Variants in ADAR observed in about 807,000 individuals in gnomAD.
The protein encoded by ADAR is adenosine deaminase RNA specific.
In ADAR, 41 loss-of-function variants were observed where a neutral mutation model predicts 113.2. The observed-to-expected ratio is 0.36, with a 90% CI of 0.28 to 0.47. The LOEUF is 0.47. Among genes scored for constraint, ADAR ranks in the 20% least tolerant of loss-of-function variants. The probability of loss-of-function intolerance (pLI) is 1.00; values close to 1 mark genes in which losing one functional copy is unlikely to be tolerated. For missense variants in ADAR, 1,242 were observed against 1,540.9 expected (o/e 0.81, Z 3.25); for synonymous variants, 605 against 572.6 (o/e 1.06, Z -0.81).
Position 154,588,192 on chromosome 1 carries a change from T to C in ADAR, c.2952A>G (p.Thr984=), listed in dbSNP as rs765649485. The change falls in exon 11 of 15, where the codon ACA becomes ACG. Residue 984 remains threonine (T), a synonymous_variant. Coordinates refer to ENST00000368474, the MANE Select transcript of ADAR (RefSeq NM_001111.5). ...CGAAGACAGGGTAGTGGCGGGATTC[T>C]GTGCTTTCCATAGCACGGTCGCTGC... ...KSCSDRAMES[T]ESRHYPVFEN... is the part of the protein sequence containing the mutation. The C allele has an allele frequency of 5.1e-5, 83 of 1,614,054 alleles. No individual in the cohort carries two copies. The highest frequency in any genetic ancestry group is 3.3e-4 in the Middle Eastern group (2 of 5,998).
rs141464161 is a variant in ADAR at position 154,623,848 on chromosome 1, C to A, written c.-871+4007G>T. ...TGAAACCCCATTTCTACTAAAAATA[C>A]AAAAATTAGCCGGGGGTAGTGACGG... is the stretch of plus-strand genomic sequence containing the variant. On this transcript the variant is annotated intron_variant, in intron 1 of 14. Coordinates refer to the ADAR transcript ENST00000368471. Among the ~76,000 whole-genome samples the A allele has an allele frequency of 7.0e-3, 1,065 of 151,968 alleles. 11 individuals carry two copies. The highest frequency in any genetic ancestry group is 0.024 in the African/African-American group (1,007 of 41,446).
chr1:154,594,637 T>C (rs1366767876), intron 6 of ADAR, among the ~76,000 whole-genome samples: 3 of 152,188 alleles, frequency 2.0e-5, no homozygotes, highest in Non-Finnish European at 4.4e-5. Flanking sequence ...CAAGAAAGTA[T>C]AATGTGTGAC....
intron 1 of ADAR, among the ~76,000 whole-genome samples, chr1:154,621,515 A>G (rs2101699468): frequency 6.6e-6 from 1 of 152,340 alleles, no homozygotes; most frequent in East Asian, 1.9e-4. Flanking sequence ...GAATATTTGT[A>G]TATTTTAAAA....
At chr1:154,590,460 T>C in intron 6 of ADAR, 51 bp from the exon 7 acceptor site, 1 of 1,565,978 alleles carries the variant, frequency 6.4e-7, no homozygotes, top group Non-Finnish European at 8.8e-7. Flanking sequence ...CCTGACATTG[T>C]TCCAAGGAAG....
In ADAR at chr1:154,606,580, G is replaced by A. The variant is rs150948968; in HGVS notation, c.15+1412C>T. Among the ~76,000 whole-genome samples, 45 of 152,224 alleles carry A rather than the reference G, an allele frequency of 3.0e-4. No homozygotes were observed. The East Asian group carries it at 8.5e-3, about 29-fold the overall frequency. On this transcript the variant is annotated intron_variant, in intron 1 of 14. Transcript: ENST00000368474. ...TAGGGCAGTAGGGTTAGAGGGAGAG[G>A]AGGAGATTATTAATCTTTCTTTTTG...
At chr1:154,590,452 T>C (rs1380023631) in intron 6 of ADAR, 43 bp from the exon 7 acceptor site, 5 of 1,585,408 alleles carry the variant, frequency 3.2e-6, no homozygotes, top group Non-Finnish European at 4.3e-6. Context: ...TGCCAGACCC[T>C]GACATTGTTC....
In ADAR at chr1:154,602,614, T is replaced by A. The variant is rs1307309784; in HGVS notation, c.28A>T (p.Ser10Cys). Reference protein sequence around the residue: MNPRQGYSLSGYYTHPFQGY... With the variant: MNPRQGYSLCGYYTHPFQGY... ...TGAAATGGATGGGTGTAGTATCCGC[T>A]GAGGGAATACCCCTGCAGAATAAGA... Residue 10 changes from serine (S) to cysteine (C), a missense_variant, in exon 2 of 15, where the codon AGC becomes TGC. By Grantham distance (112) the Ser-to-Cys change is moderately radical. This residue lies in a region of ADAR where 462 missense variants were observed against 483.1 expected (regional missense o/e 0.96). Coordinates refer to ENST00000368474, the MANE Select transcript of ADAR (RefSeq NM_001111.5). 1 of 1,613,952 alleles carries A rather than the reference T, an allele frequency of 6.2e-7. No individual in the cohort carries two copies. The highest frequency in any genetic ancestry group is 1.3e-5 in the African/African-American group (1 of 74,944).
intron 6 of ADAR, among the ~76,000 whole-genome samples, chr1:154,596,449 C>T (rs536437553): frequency 6.6e-5 from 10 of 152,184 alleles, no homozygotes; most frequent in African/African-American, 2.4e-4. Context: ...TCATATGGTC[C>T]GGCTGGTCTT....
rs1272081623 is a variant in ADAR at position 154,590,412 on chromosome 1, T to G, written c.2271-3A>C. 1 of 1,613,666 alleles carries G rather than the reference T, an allele frequency of 6.2e-7. No homozygotes were observed. Among genetic ancestry groups the G allele is most frequent in the African/African-American group, 1.3e-5 (1 of 74,858 alleles). On this transcript the variant is annotated splice_polypyrimidine_tract_variant and splice_region_variant and intron_variant, in intron 6 of 14. Transcript: ENST00000368474. The stretch of plus-strand genomic sequence containing the variant: ...CAACTTTTGCTTGGTAAACGAACCT[T>G]TGGGATGAGAAACAGAGAATGAAGA...
chr1:154,614,818 G>C (rs999783976), intron 1 of ADAR, among the ~76,000 whole-genome samples: 2 of 152,232 alleles, frequency 1.3e-5, no homozygotes, highest in Admixed American at 6.5e-5. Context: ...CAAAGGGGTA[G>C]GATGGAGGGG....
intron 1 of ADAR, among the ~76,000 whole-genome samples, chr1:154,625,285 G>A (rs753968262): frequency 6.6e-6 from 1 of 152,252 alleles, no homozygotes; most frequent in Middle Eastern, 3.4e-3. Flanking sequence ...TACATTGCTG[G>A]GATACTAGTC....
In ADAR at chr1:154,585,403, AG is replaced by A. The variant is rs1245932137; in HGVS notation, c.3316-60del. Reference sequence around the variant, plus strand: ...AAACCTTTCAGGAATAAGATTCTGAAGCAGGGACTCAAGACTCATAGGAGAG... The same window carrying A: ...AAACCTTTCAGGAATAAGATTCTGAACAGGGACTCAAGACTCATAGGAGAG... On this transcript the variant is annotated intron_variant, in intron 13 of 14. Transcript: ENST00000368474. The A allele has an allele frequency of 6.2e-6, 10 of 1,612,036 alleles. No individual in the cohort carries two copies. In the African/African-American group the frequency reaches 1.2e-4, roughly 19 times the overall value.
chr1:154,588,009 C>T (rs1696877083), intron 11 of ADAR, 116 bp downstream of exon 11: 3 of 1,502,576 alleles, frequency 2.0e-6, no homozygotes, highest in Admixed American at 1.7e-5. Flanking sequence ...TTCCTGTAAA[C>T]AGCACCTCTG....
intron 11 of ADAR, 114 bp downstream of exon 11, chr1:154,588,010 AG>A (rs1557867400): frequency 6.6e-7 from 1 of 1,505,248 alleles, no homozygotes; most frequent in Non-Finnish European, 9.1e-7. Context: ...TCCTGTAAAC[AG>A]CACCTCTGTG....
intron 4 of ADAR, 130 bp downstream of exon 4, chr1:154,597,698 A>G: frequency 8.0e-7 from 1 of 1,254,870 alleles, no homozygotes; most frequent in Admixed American, 1.9e-5. Flanking sequence ...AGGACCTCAG[A>G]GCCCTCCTTT....
chr1:154,598,015 A>G, intron 3 of ADAR, 39 bp from the exon 4 acceptor site: 1 of 1,601,578 alleles, frequency 6.2e-7, no homozygotes, highest in Non-Finnish European at 8.5e-7. Context: ...CAAAACTAAG[A>G]AAACACTGGT....
chr1:154,619,231 G>A (rs766568493), intron 1 of ADAR, among the ~76,000 whole-genome samples: 1 of 152,196 alleles, frequency 6.6e-6, no homozygotes, highest in African/African-American at 2.4e-5. Context: ...CCCAGAGGAA[G>A]GATGTTAATT....
At position 154,583,947 on chromosome 1, in the gene ADAR, TAGG is replaced by T. The variant is rs1041896947; in HGVS notation, c.*856_*858del. ...GGGGAAAATATTCCTAGGAATGCTT[TAGG>T]AGAAGAGGCAGCTGGAAGCTTGGCA... On this transcript the variant is annotated 3_prime_UTR_variant, in exon 15 of 15. Transcript: ENST00000368474. The T allele has an allele frequency of 3.3e-5, 5 of 152,360 alleles. No individual in the cohort carries two copies. The highest frequency in any genetic ancestry group is 1.9e-4 in the East Asian group (1 of 5,196). The allele number at this position is 152,360 out of a possible 1,614,324, so 9.4% of individuals were successfully genotyped here.
intron 2 of ADAR, chr1:154,600,829 G>C (rs1697820903): frequency 1.5e-6 from 1 of 668,900 alleles, no homozygotes. Context: ...CCTCCCCCTT[G>C]TTCAGCCAAG....
Sources: gnomAD v4.1 joint callset for allele counts (sites outside exome capture counted in the v4.1 genomes callset) on GRCh38, gnomAD v4.1.1 for gene constraint, gnomAD v4.1.1 regional missense constraint, MANE v1.5 for transcripts, NCBI Gene and HGNC (gene_info 2026-07-23, HGNC 2026-07-21) for gene names.